VGLL4: variants seen among roughly 807,000 people sequenced by gnomAD.
VGLL4 encodes the protein transcription cofactor vestigial-like protein 4.
In VGLL4, 7 loss-of-function variants were observed where a neutral mutation model predicts 21.0. The ratio of observed to expected loss-of-function variants is 0.33; its 90% CI spans 0.19 to 0.63. VGLL4 has a LOEUF of 0.63. Ranked by LOEUF, VGLL4 falls within the 20% of genes least tolerant of loss-of-function variation. The pLI is 0.78. For synonymous variants in VGLL4, 222 were observed against 173.2 expected (o/e 1.28, Z -2.21); for missense variants, 394 against 425.7 (o/e 0.93, Z 0.66).
chr3:11,719,524 A>T lies in VGLL4; in HGVS notation c.-14+870T>A, dbSNP rs2076964405. On this transcript the variant is annotated intron_variant, in intron 1 of 5. Coordinates refer to the VGLL4 transcript ENST00000273038. The surrounding 1 kb of genome is among the most constrained non-coding windows in gnomAD (Gnocchi z 4.0). ...CGGGGCGCACCCCGAGGGCGCGCAG[A>T]CGCACAGGCGGGCTCGCGCCCGAGC... 1 of 150,960 alleles carries T rather than the reference A, an allele frequency of 6.6e-6. No homozygotes were observed. Among genetic ancestry groups the T allele is most frequent in the Non-Finnish European group, 1.5e-5 (1 of 67,650 alleles). The allele number at this position is 150,960 out of a possible 1,614,324, so 9.4% of individuals were successfully genotyped here.
At chr3:11,624,652 G>C (rs1031108448) in intron 1 of VGLL4, among the ~76,000 whole-genome samples, 1 of 152,058 alleles carries the variant, frequency 6.6e-6, no homozygotes, top group African/African-American at 2.4e-5. Flanking sequence ...AAGGCATACA[G>C]TCATATACTT....
chr3:11,711,752 T>A (rs959882381), intron 1 of VGLL4, among the ~76,000 whole-genome samples: 1 of 151,950 alleles, frequency 6.6e-6, no homozygotes, highest in African/African-American at 2.4e-5. Flanking sequence ...AGGTATTTAC[T>A]GGGTATCTCC....
chr3:11,568,289 C>T lies in VGLL4; in HGVS notation c.273-3270G>A, dbSNP rs374614439. Among the ~76,000 whole-genome samples the T allele has an allele frequency of 2.0e-4, 30 of 152,312 alleles. No individual in the cohort carries two copies. Among genetic ancestry groups the T allele is most frequent in the African/African-American group, 7.2e-4 (30 of 41,566 alleles). On this transcript the variant is annotated intron_variant, in intron 2 of 4. Coordinates refer to ENST00000430365, the MANE Select transcript of VGLL4 (RefSeq NM_001128219.3). The surrounding 1 kb of genome is among the most constrained non-coding windows in gnomAD (Gnocchi z 5.9). ...CACAGTCACGCAGATGACTCAGCTG[C>T]GCCTTAGGAAATCCAAGCATGACTA...
At chr3:11,680,782 G>A (rs184565057) in intron 2 of VGLL4, among the ~76,000 whole-genome samples, 1 of 152,330 alleles carries the variant, frequency 6.6e-6, no homozygotes, top group African/African-American at 2.4e-5. Context: ...CTCTGCCACC[G>A]ACTTGCTGTG....
chr3:11,666,873 C>T (rs1423393441), intron 2 of VGLL4, among the ~76,000 whole-genome samples: 2 of 152,146 alleles, frequency 1.3e-5, no homozygotes, highest in African/African-American at 2.4e-5. Context: ...CTCTGTGCTC[C>T]CCTCCACTCC....
chr3:11,578,748 C>CTTT (rs71044228), intron 2 of VGLL4, among the ~76,000 whole-genome samples: 4,103 of 104,664 alleles, frequency 0.039, 489 homozygotes, highest in East Asian at 0.15. Context: ...TGTATATTTT[C>CTTT]TTTTTTTTTT....
intron 2 of VGLL4, among the ~76,000 whole-genome samples, chr3:11,678,709 C>G (rs986266050): frequency 6.6e-6 from 1 of 152,100 alleles, no homozygotes; most frequent in African/African-American, 2.4e-5. Flanking sequence ...CATTCTCCCT[C>G]TTTGTTTATG....
At chr3:11,704,982 G>C (rs1307795034) in intron 1 of VGLL4, among the ~76,000 whole-genome samples, 3 of 152,256 alleles carry the variant, frequency 2.0e-5, no homozygotes, top group African/African-American at 2.4e-5. Context: ...GGGAAGAACA[G>C]AAGCAGAATC....
chr3:11,577,840 A>G (rs547820018), intron 2 of VGLL4, among the ~76,000 whole-genome samples: 1 of 152,214 alleles, frequency 6.6e-6, no homozygotes, highest in Admixed American at 6.5e-5. Context: ...GAAAAATTCA[A>G]TGAATCTTAT....
At chr3:11,591,412 C>A (rs535380771) in intron 2 of VGLL4, among the ~76,000 whole-genome samples, 324 of 152,328 alleles carry the variant, frequency 2.1e-3, no homozygotes, top group African/African-American at 7.1e-3. Flanking sequence ...TGACTCCTGT[C>A]CCCCCTTGGC....
At chr3:11,606,917 TG>T (rs1444810935) in intron 1 of VGLL4, among the ~76,000 whole-genome samples, 1 of 152,168 alleles carries the variant, frequency 6.6e-6, no homozygotes, top group African/African-American at 2.4e-5. Flanking sequence ...CTTTAAGAGC[TG>T]TAACACTCAC....
At chr3:11,638,191 C>A (rs935639652) in intron 1 of VGLL4, among the ~76,000 whole-genome samples, 2 of 152,104 alleles carry the variant, frequency 1.3e-5, no homozygotes, top group East Asian at 3.9e-4. Flanking sequence ...TCTATCTTTA[C>A]CGCATGTTTT....
chr3:11,643,927 C>T (rs1050237187), upstream of VGLL4: 3 of 997,240 alleles, frequency 3.0e-6, no homozygotes, highest in Non-Finnish European at 3.6e-6. Flanking sequence ...CTTGGCATGA[C>T]TCCTATGCCG....
chr3:11,651,072 G>A (rs1434039620), intron 2 of VGLL4, among the ~76,000 whole-genome samples: 1 of 152,146 alleles, frequency 6.6e-6, no homozygotes. Flanking sequence ...AAGGGACCAG[G>A]CGCGGTGGCT....
Position 11,674,794 on chromosome 3 carries a change from T to C in VGLL4, c.64+28177A>G, listed in dbSNP as rs1008305130. On this transcript the variant is annotated intron_variant, in intron 2 of 5. Coordinates refer to the VGLL4 transcript ENST00000273038. ...TTCCTATTTTAATGATTTTTCCAAA[T>C]TGAAAAAGGAAGGGGAGAAATATAA... Among the ~76,000 whole-genome samples, 5 of 151,554 alleles carry C rather than the reference T, an allele frequency of 3.3e-5. No individual in the cohort carries two copies. In the East Asian group the frequency reaches 9.7e-4, roughly 30 times the overall value.
chr3:11,669,165 T>G (rs1451866255), intron 2 of VGLL4, among the ~76,000 whole-genome samples: 1 of 152,232 alleles, frequency 6.6e-6, no homozygotes, highest in Non-Finnish European at 1.5e-5. Flanking sequence ...TAATTAAATA[T>G]TCTTAAAAAT....
chr3:11,693,577 G>A (rs868333588), intron 2 of VGLL4, among the ~76,000 whole-genome samples: 7 of 152,148 alleles, frequency 4.6e-5, no homozygotes, highest in Non-Finnish European at 1.0e-4. Context: ...CTCGTTACCT[G>A]GGGAAGCAGC....
intron 2 of VGLL4, among the ~76,000 whole-genome samples, chr3:11,570,042 T>TA: frequency 6.6e-6 from 1 of 152,204 alleles, no homozygotes; most frequent in Non-Finnish European, 1.5e-5. Flanking sequence ...ACCTGAATAA[T>TA]ATAGACAGAA....
intron 2 of VGLL4, among the ~76,000 whole-genome samples, chr3:11,684,509 T>C (rs2076417718): frequency 6.6e-6 from 1 of 152,026 alleles, no homozygotes. Context: ...GCCTCACAAG[T>C]AGCTAGGACC....
Sources: allele counts gnomAD v4.1 joint callset (sites outside exome capture counted in the v4.1 genomes callset), GRCh38; gene constraint gnomAD v4.1.1; non-coding constraint Gnocchi (gnomAD v3.1); transcripts MANE v1.5; gene names NCBI Gene and HGNC (gene_info 2026-07-23, HGNC 2026-07-21).